The following BID variants were observed in gnomAD, a reference collection of about 807,000 sequenced individuals.
BID encodes the protein BH3-interacting domain death agonist.
A neutral mutation model predicts 17.4 loss-of-function variants in BID; 19 were observed. That is an observed-to-expected ratio of 1.09 (90% CI 0.76 to 1.60). BID has a LOEUF of 1.60. Ranked by LOEUF, BID falls within the 40% of genes most tolerant of loss-of-function variation. The pLI is 0.00. For missense variants in BID, 226 were observed against 256.0 expected (o/e 0.88, Z 0.80); for synonymous variants, 108 against 102.8 (o/e 1.05, Z -0.31).
At chr22:17,747,533 C>G (rs1040309512) in intron 2 of BID, among the ~76,000 whole-genome samples, 10 of 152,112 alleles carry the variant, frequency 6.6e-5, no homozygotes, top group African/African-American at 1.9e-4. Flanking sequence ...GTTGGCCAGG[C>G]TGGTCTGGAG....
In BID at chr22:17,738,120, T is replaced by A; in HGVS notation, c.473A>T (p.Lys158Met). 6.2e-7 allele frequency: 1 copy of A among 1,614,098 alleles called. No individual in the cohort carries two copies. The highest frequency in any genetic ancestry group is 8.5e-7 in the Non-Finnish European group (1 of 1,180,026). ...CAAGGACGGCGTGTGACTGGCCACC[T>A]TCTTGGCCAGCAGCAGGGCCAGCAC... is the stretch of plus-strand genomic sequence containing the variant. ...MLVLALLLAK[K>M]VASHTPSLLR... The change falls in exon 5 of 6, where the codon AAG becomes ATG. Residue 158 changes from lysine (K) to methionine (M), a missense_variant. Coordinates refer to ENST00000622694, the MANE Select transcript of BID (RefSeq NM_001196.4).
chr22:17,762,047 C>T (rs939802634), intron 1 of BID, among the ~76,000 whole-genome samples: 17 of 152,066 alleles, frequency 1.1e-4, no homozygotes, highest in African/African-American at 4.1e-4. Flanking sequence ...CTGTCATTCT[C>T]TCATGAGGGT....
chr22:17,772,901 A>G (rs1244728311), intron 1 of BID, among the ~76,000 whole-genome samples: 1 of 151,458 alleles, frequency 6.6e-6, no homozygotes, highest in Non-Finnish European at 1.5e-5. Flanking sequence ...GCTCCTGCAC[A>G]ACCTTGAGAC....
At chr22:17,774,578 CG>C (rs1346108055), upstream of BID, 1 of 150,224 alleles carries the variant, frequency 6.7e-6, no homozygotes, top group African/African-American at 2.4e-5. Context: ...CGCGCCGGCG[CG>C]GGGCTGTGGA....
chr22:17,768,375 C>G (rs1003457215), intron 1 of BID, among the ~76,000 whole-genome samples: 1 of 152,208 alleles, frequency 6.6e-6, no homozygotes, highest in Non-Finnish European at 1.5e-5. Context: ...CACCACAGGC[C>G]CCAGAAGTCA....
intron 1 of BID, among the ~76,000 whole-genome samples, chr22:17,761,429 C>CT (rs57001710): frequency 1.5e-4 from 16 of 106,300 alleles, no homozygotes; most frequent in Non-Finnish European, 2.1e-4. Flanking sequence ...TAATCTTTCA[C>CT]TTTTTTTTTT....
At chr22:17,747,557 G>A (rs903710308) in intron 2 of BID, among the ~76,000 whole-genome samples, 12 of 152,130 alleles carry the variant, frequency 7.9e-5, no homozygotes, top group African/African-American at 2.6e-4. Flanking sequence ...TTGACCTCAG[G>A]TGATCTGCCC....
chr22:17,763,710 CT>C (rs35220679), intron 1 of BID, among the ~76,000 whole-genome samples: 2,230 of 141,884 alleles, frequency 0.016, 43 homozygotes, highest in African/African-American at 0.051. Flanking sequence ...TGAAAACATA[CT>C]TTTTTTTTTT....
intron 1 of BID, among the ~76,000 whole-genome samples, chr22:17,760,815 G>C (rs1398264455): frequency 6.6e-6 from 1 of 152,128 alleles, no homozygotes; most frequent in Non-Finnish European, 1.5e-5. Context: ...AGCATGGGAA[G>C]ACTCAAAGTC....
At chr22:17,767,943 T>C (rs1370311715) in intron 1 of BID, among the ~76,000 whole-genome samples, 1 of 151,988 alleles carries the variant, frequency 6.6e-6, no homozygotes, top group Non-Finnish European at 1.5e-5. Context: ...AAATAAAAAA[T>C]GAAGGAAACA....
intron 3 of BID, chr22:17,739,991 T>C: frequency 7.4e-7 from 1 of 1,358,400 alleles, no homozygotes; most frequent in Non-Finnish European, 1.0e-6. Context: ...CCCTGGAGAA[T>C]CTCCCCTGCC....
At chr22:17,759,162 C>T (rs113819176) in intron 1 of BID, among the ~76,000 whole-genome samples, 56 of 146,862 alleles carry the variant, frequency 3.8e-4, no homozygotes, top group African/African-American at 1.4e-3. Context: ...ACCCGGGAGG[C>T]AGAGGTTGCA....
intron 1 of BID, among the ~76,000 whole-genome samples, chr22:17,761,381 C>A (rs1336294828): frequency 6.6e-6 from 1 of 151,696 alleles, no homozygotes; most frequent in Non-Finnish European, 1.5e-5. Context: ...CTATACAGAA[C>A]CTCTGCCATC....
At chr22:17,750,711 C>A (rs2061532023) in intron 1 of BID, among the ~76,000 whole-genome samples, 1 of 151,910 alleles carries the variant, frequency 6.6e-6, no homozygotes, top group Admixed American at 6.6e-5. Context: ...GCCTGTAGTC[C>A]CAGCTACTCG....
chr22:17,751,699 C>T (rs891985991), intron 1 of BID, among the ~76,000 whole-genome samples: 3 of 152,228 alleles, frequency 2.0e-5, no homozygotes, highest in Non-Finnish European at 2.9e-5. Context: ...CCTGGGGACC[C>T]TGCACTGTTG....
rs900193380 is a variant in BID, at chr22:17,773,101, C to T, written c.-59+1280G>A. ...GATCCCTGCCTTTAAACCCCAGCCA[C>T]GAACTGCTGACCCCGCATTTCCTCT... On this transcript the variant is annotated intron_variant, in intron 1 of 5. Coordinates refer to ENST00000622694, the MANE Select transcript of BID (RefSeq NM_001196.4). This position sits in a 1 kb window ranked among gnomAD's most constrained non-coding sequence, Gnocchi z 4.4. Among the ~76,000 whole-genome samples, 19 of 152,182 alleles carry T rather than the reference C, an allele frequency of 1.2e-4. No homozygotes were observed. The highest frequency in any genetic ancestry group is 2.6e-4 in the Admixed American group (4 of 15,278).
At chr22:17,762,921 G>A (rs1328230617) in intron 1 of BID, among the ~76,000 whole-genome samples, 1 of 152,016 alleles carries the variant, frequency 6.6e-6, no homozygotes, top group Non-Finnish European at 1.5e-5. Flanking sequence ...CTGTCACCCA[G>A]GCTGGAGTGC....
At position 17,743,793 on chromosome 22, in the gene BID, G is replaced by C. The variant is rs371839796; in HGVS notation, c.223+10C>G. 1 of 1,605,148 alleles carries C rather than the reference G, an allele frequency of 6.2e-7. No homozygotes were observed. Among genetic ancestry groups the C allele is most frequent in the Non-Finnish European group, 8.5e-7 (1 of 1,176,040 alleles). On this transcript the variant is annotated intron_variant, in intron 3 of 5. Transcript: ENST00000622694. ...CAGCTTTGGGGAAGGAGGTGGGGCC[G>C]GCCGCCTACCTGCCTCTATTCTTCC...
chr22:17,763,564 GTAAC>G (rs2061656899), intron 1 of BID, among the ~76,000 whole-genome samples: 1 of 152,146 alleles, frequency 6.6e-6, no homozygotes, highest in Non-Finnish European at 1.5e-5. Flanking sequence ...TTTTAACAAA[GTAAC>G]TGACTTCCAT....
Sources: allele counts gnomAD v4.1 joint callset (sites outside exome capture counted in the v4.1 genomes callset), GRCh38; gene constraint gnomAD v4.1.1; non-coding constraint Gnocchi (gnomAD v3.1); transcripts MANE v1.5; gene names NCBI Gene and HGNC (gene_info 2026-07-23, HGNC 2026-07-21).